The following TBC1D12 variants were observed in gnomAD, a reference collection of about 807,000 sequenced individuals.
TBC1D12 encodes the protein TBC1 domain family, member 12.
Under a neutral mutation model 86.7 loss-of-function variants are expected in TBC1D12, and 56 were observed. The ratio of observed to expected loss-of-function variants is 0.65; its 90% CI spans 0.52 to 0.81. The LOEUF (loss-of-function observed/expected upper bound fraction) is 0.81, where lower values mean the gene tolerates loss of function less well. Ranked by LOEUF, TBC1D12 falls within the 30% of genes least tolerant of loss-of-function variation. TBC1D12 has a pLI of 0.00. For synonymous variants in TBC1D12, 421 were observed against 411.7 expected, an observed-to-expected ratio of 1.02 and a Z score of -0.27; for missense variants, 1,023 against 1,038.8, an observed-to-expected ratio of 0.98 and a Z score of 0.21.
Position 94,420,589 on chromosome 10 carries a change from G to A in TBC1D12, c.971+17005G>A, listed in dbSNP as rs2055060086. On this transcript the variant is annotated intron_variant, in intron 1 of 12. Coordinates refer to ENST00000225235, the MANE Select transcript of TBC1D12 (RefSeq NM_015188.2). ...GGTCTCTGTGCATTTGCTCAGTCTGGATATTTCATATAAAGGGAGTCATAT... is the reference window on the plus strand; with the variant it reads ...GGTCTCTGTGCATTTGCTCAGTCTGAATATTTCATATAAAGGGAGTCATAT... Among the ~76,000 whole-genome samples, 3 of 152,256 alleles carry A rather than the reference G, an allele frequency of 2.0e-5. No homozygotes were observed. The South Asian group carries it at 6.2e-4, about 32-fold the overall frequency.
intron 1 of TBC1D12, among the ~76,000 whole-genome samples, chr10:94,416,864 A>T (rs1057433960): frequency 6.6e-6 from 1 of 152,136 alleles, no homozygotes; most frequent in African/African-American, 2.4e-5. Context: ...GACAAGTAAA[A>T]ATAACATATA....
At chr10:94,459,396 A>G (rs541967175) in intron 2 of TBC1D12, among the ~76,000 whole-genome samples, 8 of 152,228 alleles carry the variant, frequency 5.3e-5, no homozygotes, top group Non-Finnish European at 1.0e-4. Context: ...AAAGTTCTCC[A>G]AGTCCCCACC....
intron 1 of TBC1D12, among the ~76,000 whole-genome samples, chr10:94,419,273 G>A (rs539151528): frequency 1.3e-5 from 2 of 152,094 alleles, no homozygotes; most frequent in African/African-American, 2.4e-5. Flanking sequence ...GTTATTTAAT[G>A]TATATTAAAG....
At chr10:94,530,137 C>T (rs867522339) in intron 11 of TBC1D12, among the ~76,000 whole-genome samples, 1 of 152,148 alleles carries the variant, frequency 6.6e-6, no homozygotes, top group Non-Finnish European at 1.5e-5. Context: ...CCCATCAGCA[C>T]TACCTCAAAT....
intron 1 of TBC1D12, among the ~76,000 whole-genome samples, chr10:94,413,596 C>G (rs2054956464): frequency 6.6e-6 from 1 of 152,112 alleles, no homozygotes; most frequent in Non-Finnish European, 1.5e-5. Context: ...ATGTGACTGT[C>G]TGGGTTTTCA....
At chr10:94,516,760 C>T (rs1185530701) in intron 9 of TBC1D12, among the ~76,000 whole-genome samples, 2 of 152,024 alleles carry the variant, frequency 1.3e-5, no homozygotes, top group African/African-American at 2.4e-5. Flanking sequence ...TTATTGAATA[C>T]AGAAGACTGT....
chr10:94,510,313 G>T (rs910476148), intron 8 of TBC1D12, 134 bp downstream of exon 8: 2 of 530,704 alleles, frequency 3.8e-6, no homozygotes, highest in African/African-American at 4.0e-5. Flanking sequence ...TATAAAAAGT[G>T]TAAAACTAGT....
chr10:94,434,741 A>G (rs1050390315), intron 1 of TBC1D12, among the ~76,000 whole-genome samples: 5 of 151,974 alleles, frequency 3.3e-5, no homozygotes, highest in African/African-American at 1.2e-4. Context: ...CCTCGTCTCT[A>G]CAAAACATTT....
chr10:94,464,948 TTTATA>T, intron 2 of TBC1D12, among the ~76,000 whole-genome samples: 1 of 152,336 alleles, frequency 6.6e-6, no homozygotes, highest in Admixed American at 6.5e-5. Flanking sequence ...AGTTTTTTGC[TTTATA>T]TTGTTTTAGT....
At chr10:94,494,724 T>C (rs1564976004) in intron 4 of TBC1D12, among the ~76,000 whole-genome samples, 1 of 152,018 alleles carries the variant, frequency 6.6e-6, no homozygotes, top group Non-Finnish European at 1.5e-5. Flanking sequence ...TTGTATTTTT[T>C]TGTGGAGACA....
At chr10:94,472,180 G>A (rs1017556748) in intron 2 of TBC1D12, among the ~76,000 whole-genome samples, 14 of 152,154 alleles carry the variant, frequency 9.2e-5, no homozygotes, top group Non-Finnish European at 2.1e-4. Context: ...AGGGCGAGAG[G>A]ATTGCTTGAG....
intron 6 of TBC1D12, among the ~76,000 whole-genome samples, chr10:94,500,786 T>C (rs1218469929): frequency 6.6e-6 from 1 of 152,176 alleles, no homozygotes; most frequent in Non-Finnish European, 1.5e-5. Context: ...CCGGGCGCAG[T>C]GGCTCATGCC....
chr10:94,459,760 C>T (rs111672655), intron 2 of TBC1D12, among the ~76,000 whole-genome samples: 1 of 152,298 alleles, frequency 6.6e-6, no homozygotes, highest in East Asian at 1.9e-4. Flanking sequence ...CCCTCACTGC[C>T]CGGGGCCAGT....
At chr10:94,505,820 T>C (rs1190355010) in intron 6 of TBC1D12, among the ~76,000 whole-genome samples, 1 of 152,146 alleles carries the variant, frequency 6.6e-6, no homozygotes, top group Non-Finnish European at 1.5e-5. Context: ...AGCAAATCTA[T>C]ATCTACTAAC....
intron 12 of TBC1D12, among the ~76,000 whole-genome samples, chr10:94,531,857 A>ATTTTATGTTATTTTT (rs1268977890): frequency 3.2e-5 from 3 of 94,134 alleles, no homozygotes; most frequent in East Asian, 2.7e-4. Context: ...ATGTTATTTT[A>ATTTTATGTTATTTTT]TTTTATATGT....
chr10:94,429,680 C>T (rs993240809), intron 1 of TBC1D12, among the ~76,000 whole-genome samples: 1 of 152,004 alleles, frequency 6.6e-6, no homozygotes, highest in African/African-American at 2.4e-5. Flanking sequence ...AACTTCCCCT[C>T]TGTTATGATT....
chr10:94,487,200 T>C (rs2056176521), intron 3 of TBC1D12, among the ~76,000 whole-genome samples: 1 of 151,970 alleles, frequency 6.6e-6, no homozygotes, highest in East Asian at 1.9e-4. Context: ...TATATGTCTT[T>C]ATAGGTGAAG....
intron 1 of TBC1D12, among the ~76,000 whole-genome samples, chr10:94,432,375 A>C (rs996871988): frequency 6.6e-6 from 1 of 152,206 alleles, no homozygotes; most frequent in Non-Finnish European, 1.5e-5. Flanking sequence ...TGACCAGTGA[A>C]GCCTGTTAAA....
chr10:94,465,651 A>C (rs1435005116), intron 2 of TBC1D12, among the ~76,000 whole-genome samples: 1 of 85,652 alleles, frequency 1.2e-5, no homozygotes, highest in Non-Finnish European at 2.5e-5. Context: ...TGCCTAAAAA[A>C]AAAAATATAT....
Sources: allele counts gnomAD v4.1 joint callset (sites outside exome capture counted in the v4.1 genomes callset), GRCh38; gene constraint gnomAD v4.1.1; transcripts MANE v1.5; gene names NCBI Gene and HGNC (gene_info 2026-07-23, HGNC 2026-07-21).